TAGLN: variants seen among roughly 807,000 people sequenced by gnomAD.
TAGLN encodes 22 kDa actin-binding protein.
Under a neutral mutation model 21.9 loss-of-function variants are expected in TAGLN, and 16 were observed. The observed-to-expected ratio is 0.73, with a 90% CI of 0.49 to 1.11. TAGLN has a LOEUF of 1.11. Among genes scored for constraint, TAGLN ranks in the 50% least tolerant of loss-of-function variants. The pLI is 0.00. For synonymous variants in TAGLN, 96 were observed against 94.9 expected, an observed-to-expected ratio of 1.01 and a Z score of -0.06; for missense variants, 248 against 263.2, an observed-to-expected ratio of 0.94 and a Z score of 0.40.
rs45508091 is a variant in TAGLN at position 117,203,810 on chromosome 11, C to T, written c.387C>T (p.Thr129=). 2,678 of 1,613,910 alleles carry T rather than the reference C, an allele frequency of 1.7e-3. 38 individuals carry two copies. The South Asian group carries it at 0.022, about 14-fold the overall frequency. ...EGKDMAAVQR[T]LMALGSLAVT... ...AAGACATGGCAGCAGTGCAGAGGACCCTGATGGCTTTGGGCAGCTTGGCAG... is the reference window on the plus strand; with the variant it reads ...AAGACATGGCAGCAGTGCAGAGGACTCTGATGGCTTTGGGCAGCTTGGCAG... Residue 129 remains threonine (T), a synonymous_variant, in exon 4 of 5, where the codon ACC becomes ACT. Coordinates refer to ENST00000392951, the MANE Select transcript of TAGLN (RefSeq NM_003186.5). This position sits in a 1 kb window ranked among gnomAD's most constrained non-coding sequence, Gnocchi z 4.4.
Position 117,204,240 on chromosome 11 carries a change from T to C in TAGLN, c.487T>C (p.Phe163Leu). The change falls in exon 5 of 5, where the codon TTC becomes CTC. Residue 163 changes from phenylalanine to leucine, a missense_variant. By Grantham distance (22) the Phe-to-Leu change is conservative. Coordinates refer to ENST00000392951, the MANE Select transcript of TAGLN (RefSeq NM_003186.5). ...MKKAQEHKRE[F>L]TESQLQEGKH... is the part of the protein sequence containing the mutation. ...GAAAGCGCAGGAGCATAAGAGGGAATTCACAGAGAGCCAGCTGCAGGAGGG... is the reference window on the plus strand; with the variant it reads ...GAAAGCGCAGGAGCATAAGAGGGAACTCACAGAGAGCCAGCTGCAGGAGGG... 1.2e-6 allele frequency: 2 copies of C among 1,614,208 alleles called. No homozygotes were observed. Among genetic ancestry groups the C allele is most frequent in the Non-Finnish European group, 1.7e-6 (2 of 1,180,036 alleles).
intron 1 of TAGLN, chr11:117,201,180 A>C (rs1347936012): frequency 6.6e-6 from 1 of 152,264 alleles, no homozygotes; most frequent in Non-Finnish European, 1.5e-5. Context: ...CATCACTGGC[A>C]GGGAGAGGGG....
Position 117,205,452 on chromosome 11 carries a change from A to G in TAGLN, c.*1093A>G, listed in dbSNP as rs2031310277. 4.3e-6 allele frequency: 1 copy of G among 233,810 alleles called. No individual in the cohort carries two copies. Among genetic ancestry groups the G allele is most frequent in the South Asian group, 1.8e-4 (1 of 5,534 alleles). The allele number at this position is 233,810 out of a possible 1,614,324, so 14.5% of individuals were successfully genotyped here. A position where few individuals can be genotyped will look rare whatever the true frequency, so the allele number is the denominator to read the frequency against. ...CCAGCTGTGCCGGCAGCATCATACC[A>G]ATCGTGGGGGTGGTGAAGGAGCCAG... On this transcript the variant is annotated 3_prime_UTR_variant, in exon 5 of 5. Coordinates refer to ENST00000392951, the MANE Select transcript of TAGLN (RefSeq NM_003186.5).
chr11:117,203,171 A>C lies in TAGLN; in HGVS notation c.158A>C (p.Gln53Pro). The C allele has an allele frequency of 6.3e-7, 1 of 1,590,266 alleles. No homozygotes were observed. Among genetic ancestry groups the C allele is most frequent in the Non-Finnish European group, 8.6e-7 (1 of 1,165,638 alleles). The change falls in exon 2 of 5, where the codon CAG (glutamine) becomes CCG (proline). Residue 53 changes from glutamine to proline, a missense_variant. Transcript: ENST00000392951. The surrounding 1 kb of genome is among the most constrained non-coding windows in gnomAD (Gnocchi z 4.4). ...CCAGACCGTGGGCGCTTGGGCTTCC[A>C]GGTCTGGCTGAAGAATGGCGTGGTG... Reference protein sequence around the residue: ...GRPDRGRLGFQVWLKNGVILS... With the variant: ...GRPDRGRLGFPVWLKNGVILS...
chr11:117,203,763 C>G lies in TAGLN; in HGVS notation c.359-19C>G. On this transcript the variant is annotated intron_variant, in intron 3 of 4. Coordinates refer to ENST00000392951, the MANE Select transcript of TAGLN (RefSeq NM_003186.5). This position sits in a 1 kb window ranked among gnomAD's most constrained non-coding sequence, Gnocchi z 4.4. ...TATACGTTCTTGATGTTCATCTCCT[C>G]TCTCCTGTCTTCTCACAGGCAAAGA... 1 of 1,609,356 alleles carries G rather than the reference C, an allele frequency of 6.2e-7. No homozygotes were observed. The highest frequency in any genetic ancestry group is 1.1e-5 in the South Asian group (1 of 90,916).
In TAGLN at chr11:117,203,859, C is replaced by T. The variant is rs576790308; in HGVS notation, c.436C>T (p.Arg146Cys). 18 of 1,614,036 alleles carry T rather than the reference C, an allele frequency of 1.1e-5. No individual in the cohort carries two copies. The highest frequency in any genetic ancestry group is 8.9e-5 in the East Asian group (4 of 44,878). Residue 146 changes from arginine (R) to cysteine (C), a missense_variant, in exon 4 of 5, where the codon CGT becomes TGT. Coordinates refer to ENST00000392951, the MANE Select transcript of TAGLN (RefSeq NM_003186.5). The surrounding 1 kb of genome is among the most constrained non-coding windows in gnomAD (Gnocchi z 4.4). ...LAVTKNDGHYRGDPNWFMKKA... is the reference protein window; with the variant it reads ...LAVTKNDGHYCGDPNWFMKKA... The stretch of plus-strand genomic sequence containing the variant: ...AGTGACCAAGAATGATGGGCACTAC[C>T]GTGGAGATCCCAACTGGTTTATGAA...
Position 117,204,639 on chromosome 11 carries a change from G to C in TAGLN, c.*280G>C. ...CCTGGGCTAAGCAGGGGAGAAGCGGGCTGGGGGTAGCCTGGATGTGGGCCA... is the reference window on the plus strand; with the variant it reads ...CCTGGGCTAAGCAGGGGAGAAGCGGCCTGGGGGTAGCCTGGATGTGGGCCA... On this transcript the variant is annotated 3_prime_UTR_variant, in exon 5 of 5. Transcript: ENST00000392951. The C allele has an allele frequency of 5.7e-6, 3 of 524,760 alleles. No homozygotes were observed. Among genetic ancestry groups the C allele is most frequent in the Non-Finnish European group, 1.1e-5 (3 of 283,596 alleles). 32.5% of individuals were successfully genotyped at this position (524,760 alleles called of 1,614,324 possible).
Position 117,206,233 on chromosome 11 carries a change from G to A in TAGLN, c.*1874G>A, listed in dbSNP as rs473131. 2.4e-5 allele frequency: 39 copies of A among 1,614,058 alleles called. No homozygotes were observed. Among genetic ancestry groups the A allele is most frequent in the Middle Eastern group, 1.6e-4 (1 of 6,062 alleles). On this transcript the variant is annotated 3_prime_UTR_variant, in exon 5 of 5. Coordinates refer to ENST00000392951, the MANE Select transcript of TAGLN (RefSeq NM_003186.5). ...TCCTCCTTGGCTTTCCGGCTCCGAT[G>A]GGGCCAGTGGCAGGGTCCACTCCTA...
chr11:117,204,387 CCCT>C lies in TAGLN; in HGVS notation c.*31_*33del. 1.2e-6 allele frequency: 2 copies of C among 1,614,082 alleles called. No individual in the cohort carries two copies. Among genetic ancestry groups the C allele is most frequent in the Non-Finnish European group, 1.7e-6 (2 of 1,179,952 alleles). On this transcript the variant is annotated 3_prime_UTR_variant, in exon 5 of 5. Transcript: ENST00000392951. ...CGGAGAGGGCTAGCCCTGAGCCCGG[CCCT>C]CCCCCAGCTCCTTGGCTGCAGCCAT...
At position 117,203,149 on chromosome 11, in the gene TAGLN, G is replaced by T; in HGVS notation, c.136G>T (p.Asp46Tyr). Residue 46 changes from aspartate to tyrosine, a missense_variant, in exon 2 of 5, where the codon GAC becomes TAC. By Grantham distance (160) the Asp-to-Tyr change is radical. Transcript: ENST00000392951. This position sits in a 1 kb window ranked among gnomAD's most constrained non-coding sequence, Gnocchi z 4.4. ...VQCGPDVGRP[D>Y]RGRLGFQVWL... ...GTGTGGCCCTGATGTGGGCCGCCCA[G>T]ACCGTGGGCGCTTGGGCTTCCAGGT... 1 of 1,598,414 alleles carries T rather than the reference G, an allele frequency of 6.3e-7. No homozygotes were observed. The highest frequency in any genetic ancestry group is 1.1e-5 in the South Asian group (1 of 89,308).
Position 117,204,511 on chromosome 11 carries a change from A to G in TAGLN, c.*152A>G. The G allele has an allele frequency of 8.3e-7, 1 of 1,209,680 alleles. No homozygotes were observed. The highest frequency in any genetic ancestry group is 1.3e-5 in the South Asian group (1 of 77,312). 74.9% of individuals were successfully genotyped at this position (1,209,680 alleles called of 1,614,324 possible). A position where few individuals can be genotyped will look rare whatever the true frequency, so the allele number is the denominator to read the frequency against. ...TGAGCAATGGTAACTGCACCTGGGC[A>G]GCTCCTCCCTGTGCCCCCAGCCTCA... On this transcript the variant is annotated 3_prime_UTR_variant, in exon 5 of 5. Coordinates refer to ENST00000392951, the MANE Select transcript of TAGLN (RefSeq NM_003186.5).
chr11:117,199,973 CG>C (rs1372411251), intron 1 of TAGLN: 2 of 152,050 alleles, frequency 1.3e-5, no homozygotes, highest in Non-Finnish European at 2.9e-5. Flanking sequence ...AGAGTGGAGA[CG>C]GAAGGCCTGT....
chr11:117,203,797 C>T lies in TAGLN; in HGVS notation c.374C>T (p.Ala125Val), dbSNP rs754966865. The change falls in exon 4 of 5, where the codon GCA becomes GTA. Residue 125 changes from alanine (A) to valine (V), a missense_variant. Coordinates refer to ENST00000392951, the MANE Select transcript of TAGLN (RefSeq NM_003186.5). The surrounding 1 kb of genome is among the most constrained non-coding windows in gnomAD (Gnocchi z 4.4). ...CTTCTCACAGGCAAAGACATGGCAG[C>T]AGTGCAGAGGACCCTGATGGCTTTG... ...VDLFEGKDMAAVQRTLMALGS... is the reference protein window; with the variant it reads ...VDLFEGKDMAVVQRTLMALGS... 1.9e-6 allele frequency: 3 copies of T among 1,613,802 alleles called. No homozygotes were observed. The highest frequency in any genetic ancestry group is 2.5e-6 in the Non-Finnish European group (3 of 1,179,786).
Position 117,203,473 on chromosome 11 carries a change from A to T in TAGLN, c.347A>T (p.Asp116Val). ...AAGACTGACATGTTCCAGACTGTTG[A>T]CCTCTTTGAAGGTAGAGAGGAAGAG... ...VIKTDMFQTV[D>V]LFEGKDMAAV... Residue 116 changes from aspartate (D) to valine (V), a missense_variant, in exon 3 of 5, where the codon GAC becomes GTC. Coordinates refer to ENST00000392951, the MANE Select transcript of TAGLN (RefSeq NM_003186.5). The surrounding 1 kb of genome is among the most constrained non-coding windows in gnomAD (Gnocchi z 4.4). 6.2e-7 allele frequency: 1 copy of T among 1,613,800 alleles called. No homozygotes were observed. The highest frequency in any genetic ancestry group is 8.5e-7 in the Non-Finnish European group (1 of 1,179,856).
Position 117,205,411 on chromosome 11 carries a change from G to C in TAGLN, c.*1052G>C. ...CCCTAGTGAAGCAGCTCAGGCCTGG[G>C]GGAGCCGTGTGTATCCCAGCTGTGC... On this transcript the variant is annotated 3_prime_UTR_variant, in exon 5 of 5. Coordinates refer to ENST00000392951, the MANE Select transcript of TAGLN (RefSeq NM_003186.5). 4.3e-6 allele frequency: 1 copy of C among 233,748 alleles called. No individual in the cohort carries two copies. Among genetic ancestry groups the C allele is most frequent in the Non-Finnish European group, 8.5e-6 (1 of 118,126 alleles). The allele number at this position is 233,748 out of a possible 1,614,324, so 14.5% of individuals were successfully genotyped here. A position where few individuals can be genotyped will look rare whatever the true frequency, so the allele number is the denominator to read the frequency against.
chr11:117,201,812 G>C (rs1357364867), intron 1 of TAGLN: 2 of 152,288 alleles, frequency 1.3e-5, no homozygotes, highest in Admixed American at 6.5e-5. Flanking sequence ...AGACCAGCGT[G>C]TCCCTCCCAA....
At position 117,203,706 on chromosome 11, in the gene TAGLN, G is replaced by C. The variant is rs1304053429; in HGVS notation, c.359-76G>C. On this transcript the variant is annotated intron_variant, in intron 3 of 4. Transcript: ENST00000392951. This position sits in a 1 kb window ranked among gnomAD's most constrained non-coding sequence, Gnocchi z 4.4. ...CTGGTTTGGCCATTTTTTTGTGAGA[G>C]ACGGGGGCAGGCCCTGGCTTGGAGT... 1 of 1,487,208 alleles carries C rather than the reference G, an allele frequency of 6.7e-7. No homozygotes were observed. Among genetic ancestry groups the C allele is most frequent in the Non-Finnish European group, 9.3e-7 (1 of 1,077,494 alleles). 92.1% of individuals were successfully genotyped at this position (1,487,208 alleles called of 1,614,324 possible). A position where few individuals can be genotyped will look rare whatever the true frequency, so the allele number is the denominator to read the frequency against.
rs752382132 is a variant in TAGLN at position 117,203,303 on chromosome 11, G to T, written c.181-4G>T. ...AGCTGCGTCCTATGCCCTATGCCTG[G>T]TAGATTCTGAGCAAGCTGGTGAACA... On this transcript the variant is annotated splice_polypyrimidine_tract_variant and splice_region_variant and intron_variant, in intron 2 of 4. Transcript: ENST00000392951. The surrounding 1 kb of genome is among the most constrained non-coding windows in gnomAD (Gnocchi z 4.4). The T allele has an allele frequency of 6.2e-7, 1 of 1,614,128 alleles. No individual in the cohort carries two copies. The highest frequency in any genetic ancestry group is 2.2e-5 in the East Asian group (1 of 44,878).
chr11:117,203,179 C>T lies in TAGLN; in HGVS notation c.166C>T (p.Leu56=), dbSNP rs767239242. ...TGGGCGCTTGGGCTTCCAGGTCTGGCTGAAGAATGGCGTGGTGAGTGGCAC... is the reference window on the plus strand; with the variant it reads ...TGGGCGCTTGGGCTTCCAGGTCTGGTTGAAGAATGGCGTGGTGAGTGGCAC... ...DRGRLGFQVW[L]KNGVILSKLV... Residue 56 remains leucine (L), a synonymous_variant, in exon 2 of 5, where the codon CTG becomes TTG. Coordinates refer to ENST00000392951, the MANE Select transcript of TAGLN (RefSeq NM_003186.5). This position sits in a 1 kb window ranked among gnomAD's most constrained non-coding sequence, Gnocchi z 4.4. The T allele has an allele frequency of 4.2e-5, 66 of 1,588,666 alleles. No homozygotes were observed. The highest frequency in any genetic ancestry group is 4.7e-5 in the Non-Finnish European group (55 of 1,164,622).
Sources: allele counts gnomAD v4.1 joint callset, GRCh38; gene constraint gnomAD v4.1.1; non-coding constraint Gnocchi (gnomAD v3.1); transcripts MANE v1.5; gene names NCBI Gene and HGNC (gene_info 2026-07-23, HGNC 2026-07-21).